HS2ST1: variants seen among roughly 807,000 people sequenced by gnomAD.
HS2ST1 encodes heparan sulfate 2-O-sulfotransferase 1.
HS2ST1 carries 18 observed loss-of-function variants against 42.9 expected under a neutral mutation model. The observed-to-expected ratio is 0.42, with a 90% CI of 0.29 to 0.62. The LOEUF (loss-of-function observed/expected upper bound fraction) is 0.62. HS2ST1 is among the 20% of genes least tolerant of loss of function. HS2ST1 has a pLI of 0.21. For missense variants in HS2ST1, 334 were observed against 433.8 expected (o/e 0.77, Z 2.04); for synonymous variants, 146 against 152.9 (o/e 0.95, Z 0.33).
In HS2ST1 at chr1:87,109,196, G is replaced by A. The variant is rs1290650084; in HGVS notation, c.*4500G>A. 6.6e-6 allele frequency: 1 copy of A among 152,478 alleles called. No homozygotes were observed. The highest frequency in any genetic ancestry group is 1.5e-5 in the Non-Finnish European group (1 of 67,968). The allele number at this position is 152,478 out of a possible 1,614,324, so 9.4% of individuals were successfully genotyped here. On this transcript the variant is annotated 3_prime_UTR_variant, in exon 7 of 7. Coordinates refer to ENST00000370550, the MANE Select transcript of HS2ST1 (RefSeq NM_012262.4). ...TGGGAAGGGGAAAAATTGGTGTCCT[G>A]TTTTAATATTTTCTTTTGTAGCCTT...
chr1:87,089,932 G>A (rs749942619), intron 3 of HS2ST1, among the ~76,000 whole-genome samples: 1 of 152,010 alleles, frequency 6.6e-6, no homozygotes, highest in Admixed American at 6.6e-5. Flanking sequence ...GGTAGGAGAT[G>A]TTCTTCTGCG....
At chr1:86,928,667 T>C (rs935102016) in intron 1 of HS2ST1, among the ~76,000 whole-genome samples, 1 of 151,992 alleles carries the variant, frequency 6.6e-6, no homozygotes, top group African/African-American at 2.4e-5. Flanking sequence ...TTAATGTATT[T>C]TAATAGATAG....
chr1:86,945,052 A>G (rs1647289346), intron 1 of HS2ST1, among the ~76,000 whole-genome samples: 5 of 152,134 alleles, frequency 3.3e-5, no homozygotes, highest in Admixed American at 6.6e-5. Context: ...GGTTAATAGT[A>G]TGTTTCCCTT....
intron 1 of HS2ST1, among the ~76,000 whole-genome samples, chr1:86,950,384 A>G (rs569252032): frequency 2.0e-5 from 3 of 151,868 alleles, no homozygotes; most frequent in Non-Finnish European, 2.9e-5. Flanking sequence ...AGGTAGGTAG[A>G]TAGACAGACA....
intron 1 of HS2ST1, among the ~76,000 whole-genome samples, chr1:86,973,642 A>G (rs1218624117): frequency 6.6e-6 from 1 of 152,210 alleles, no homozygotes; most frequent in African/African-American, 2.4e-5. Context: ...AAGGGAGCTG[A>G]GGAACCTTTT....
intron 1 of HS2ST1, among the ~76,000 whole-genome samples, chr1:86,986,634 G>A (rs1422785333): frequency 6.6e-6 from 1 of 152,208 alleles, no homozygotes; most frequent in Non-Finnish European, 1.5e-5. Flanking sequence ...GGACCCAAAA[G>A]TGCTATTTGA....
intron 4 of HS2ST1, 126 bp from the exon 5 acceptor site, chr1:87,097,712 C>A (rs561637545): frequency 3.7e-6 from 4 of 1,084,786 alleles, no homozygotes; most frequent in African/African-American, 1.6e-5. Flanking sequence ...TACATGACTC[C>A]AAAAAAAATA....
intron 1 of HS2ST1, among the ~76,000 whole-genome samples, chr1:86,979,400 T>G (rs1177284757): frequency 6.6e-6 from 1 of 152,190 alleles, no homozygotes; most frequent in Admixed American, 6.5e-5. Flanking sequence ...CACTGTTCTA[T>G]CTCTGTATGT....
intron 1 of HS2ST1, among the ~76,000 whole-genome samples, chr1:86,963,744 G>GC (rs370405012): frequency 0.029 from 3,700 of 127,152 alleles, 128 homozygotes; most frequent in African/African-American, 0.041. Flanking sequence ...AGGCAGAGGC[G>GC]CCCCCCCCCC....
At chr1:87,098,386 T>G (rs566238070) in intron 5 of HS2ST1, 2 of 896,314 alleles carry the variant, frequency 2.2e-6, no homozygotes, top group Admixed American at 6.2e-5. Flanking sequence ...TGGTTTAGTT[T>G]GCTAGTAAAT....
At chr1:86,981,501 T>C (rs539030731) in intron 1 of HS2ST1, among the ~76,000 whole-genome samples, 3 of 152,134 alleles carry the variant, frequency 2.0e-5, no homozygotes, top group African/African-American at 4.8e-5. Context: ...CAAGATACAG[T>C]GGGGGTACAG....
chr1:86,985,221 G>A (rs377637208), intron 1 of HS2ST1, among the ~76,000 whole-genome samples: 7 of 149,480 alleles, frequency 4.7e-5, no homozygotes, highest in African/African-American at 1.7e-4. Flanking sequence ...TGGGCGTGGT[G>A]GCAGGCGCCT....
At chr1:86,924,052 C>T (rs1660360576) in intron 1 of HS2ST1, among the ~76,000 whole-genome samples, 2 of 152,296 alleles carry the variant, frequency 1.3e-5, no homozygotes, top group South Asian at 4.1e-4. Context: ...TTAGTTACTT[C>T]CTAGATACAT....
At chr1:87,062,157 C>T (rs1481802021) in intron 1 of HS2ST1, among the ~76,000 whole-genome samples, 1 of 152,070 alleles carries the variant, frequency 6.6e-6, no homozygotes, top group East Asian at 1.9e-4. Flanking sequence ...TTAACTGTGT[C>T]CCACAAATTT....
chr1:87,004,252 A>G (rs958893991), intron 1 of HS2ST1, among the ~76,000 whole-genome samples: 5 of 152,014 alleles, frequency 3.3e-5, no homozygotes, highest in Admixed American at 3.3e-4. Context: ...TTAGGTGGGC[A>G]TGGTGGCAGG....
chr1:87,079,154 G>T (rs1367067679), intron 2 of HS2ST1, among the ~76,000 whole-genome samples: 1 of 148,856 alleles, frequency 6.7e-6, no homozygotes, highest in Admixed American at 6.7e-5. Context: ...TTGAGACACA[G>T]CCTTGCTCGG....
chr1:86,944,321 T>G (rs1647266764), intron 1 of HS2ST1, among the ~76,000 whole-genome samples: 1 of 151,970 alleles, frequency 6.6e-6, no homozygotes, highest in Admixed American at 6.6e-5. Flanking sequence ...GACATAAACG[T>G]TTTTTGGCCT....
intron 1 of HS2ST1, among the ~76,000 whole-genome samples, chr1:87,048,140 A>AT (rs1299377546): frequency 1.3e-5 from 2 of 152,032 alleles, no homozygotes. Flanking sequence ...TGTACATCTT[A>AT]TTGCAAATTT....
intron 1 of HS2ST1, among the ~76,000 whole-genome samples, chr1:87,020,893 C>A (rs1649925605): frequency 6.6e-6 from 1 of 152,166 alleles, no homozygotes; most frequent in African/African-American, 2.4e-5. Context: ...ATAACAAGAT[C>A]TTTAGCCCTC....
Sources: allele counts gnomAD v4.1 joint callset (sites outside exome capture counted in the v4.1 genomes callset), GRCh38; gene constraint gnomAD v4.1.1; transcripts MANE v1.5; gene names NCBI Gene and HGNC (gene_info 2026-07-23, HGNC 2026-07-21).